CALD1: variants seen among roughly 807,000 people sequenced by gnomAD.
CALD1 encodes the protein caldesmon.
A neutral mutation model predicts 99.9 loss-of-function variants in CALD1; 33 were observed. The observed-to-expected ratio is 0.33, with a 90% CI of 0.25 to 0.44. CALD1 has a LOEUF of 0.44. Among genes scored for constraint, CALD1 ranks in the 20% least tolerant of loss-of-function variants. CALD1 has a pLI of 1.00. For missense variants in CALD1, 861 were observed against 962.1 expected (o/e 0.89, Z 1.39); for synonymous variants, 310 against 325.0 (o/e 0.95, Z 0.50).
intron 3 of CALD1, among the ~76,000 whole-genome samples, chr7:134,897,766 G>A (rs1802688463): frequency 6.6e-6 from 1 of 152,062 alleles, no homozygotes; most frequent in Non-Finnish European, 1.5e-5. Flanking sequence ...GAGTGCAGTG[G>A]CACAACCTTG....
At chr7:134,823,991 G>A (rs1798886404) in intron 1 of CALD1, among the ~76,000 whole-genome samples, 1 of 152,216 alleles carries the variant, frequency 6.6e-6, no homozygotes, top group Middle Eastern at 3.4e-3. Context: ...ACCAGAAGGG[G>A]GATTTGGTCC....
At chr7:134,965,138 A>T (rs1282070578) in intron 13 of CALD1, 168 bp from the exon 14 acceptor site, 3 of 558,942 alleles carry the variant, frequency 5.4e-6, no homozygotes, top group Non-Finnish European at 9.7e-6. Context: ...AAAATAAAAA[A>T]ATCAAACAAC....
At chr7:134,735,006 C>A in the CALD1 span, 1 of 254,544 alleles carries the variant, frequency 3.9e-6, no homozygotes, top group Admixed American at 3.9e-5. Context: ...TGCACTTGGC[C>A]TCAGTGAACT....
chr7:134,742,468 A>C (rs1796600356), upstream of CALD1, among the ~76,000 whole-genome samples: 2 of 152,166 alleles, frequency 1.3e-5, no homozygotes, highest in Non-Finnish European at 2.9e-5. Flanking sequence ...CAGCTGTGGA[A>C]TGTCTTGGAA....
chr7:134,781,421 C>T (rs373710439), intron 1 of CALD1, among the ~76,000 whole-genome samples: 250 of 152,222 alleles, frequency 1.6e-3, no homozygotes, highest in African/African-American at 5.8e-3. Flanking sequence ...CTCCCCACCC[C>T]CAACAACCAT....
intron 1 of CALD1, among the ~76,000 whole-genome samples, chr7:134,757,287 G>C (rs543657998): frequency 6.6e-6 from 1 of 152,168 alleles, no homozygotes; most frequent in Admixed American, 6.5e-5. Flanking sequence ...TGTGAATGAC[G>C]ACCCCTGGAG....
intron 1 of CALD1, chr7:134,821,955 C>G (rs1181216740): frequency 6.6e-6 from 1 of 152,144 alleles, no homozygotes; most frequent in Non-Finnish European, 1.5e-5. Flanking sequence ...CTCTTCATTT[C>G]TATCTATGAT....
At chr7:134,950,919 A>T (rs531509444) in intron 9 of CALD1, among the ~76,000 whole-genome samples, 5 of 152,234 alleles carry the variant, frequency 3.3e-5, no homozygotes, top group Non-Finnish European at 7.3e-5. Flanking sequence ...AGATAATGCC[A>T]CTGCACTCTA....
chr7:134,848,374 G>A (rs967097738), intron 2 of CALD1, among the ~76,000 whole-genome samples: 10 of 152,146 alleles, frequency 6.6e-5, no homozygotes, highest in African/African-American at 2.2e-4. Flanking sequence ...ACGCCAATGT[G>A]GTACAAATGA....
chr7:134,836,483 G>A (rs1325500001), intron 1 of CALD1, among the ~76,000 whole-genome samples: 1 of 152,144 alleles, frequency 6.6e-6, no homozygotes, highest in Non-Finnish European at 1.5e-5. Flanking sequence ...TGATGATTAC[G>A]ATGATGAAGG....
the CALD1 span, among the ~76,000 whole-genome samples, chr7:134,728,657 C>T: frequency 6.6e-6 from 1 of 152,148 alleles, no homozygotes; most frequent in Admixed American, 6.5e-5. Flanking sequence ...TCAAAGGAAG[C>T]ATTAGACCAG....
intron 3 of CALD1, among the ~76,000 whole-genome samples, chr7:134,924,141 G>C (rs140174569): frequency 1.2e-4 from 18 of 152,230 alleles, no homozygotes; most frequent in African/African-American, 4.1e-4. Context: ...AATGGTTTGT[G>C]AAATGATATG....
chr7:134,928,937 C>A, intron 4 of CALD1, 37 bp downstream of exon 4: 1 of 1,542,074 alleles, frequency 6.5e-7, no homozygotes, highest in Non-Finnish European at 8.8e-7. Context: ...TTCTAACTTG[C>A]GTCTTAGCCT....
chr7:134,938,486 G>A (rs1385285361), intron 6 of CALD1, among the ~76,000 whole-genome samples: 1 of 152,042 alleles, frequency 6.6e-6, no homozygotes, highest in Non-Finnish European at 1.5e-5. Flanking sequence ...AATGTTATCT[G>A]TGTATGAAGC....
At chr7:134,896,025 T>C (rs1802545974) in intron 3 of CALD1, among the ~76,000 whole-genome samples, 1 of 152,168 alleles carries the variant, frequency 6.6e-6, no homozygotes, top group Non-Finnish European at 1.5e-5. Flanking sequence ...TACCTGTTTC[T>C]AACCATCCTT....
chr7:134,932,315 A>G (rs550708743), intron 4 of CALD1, among the ~76,000 whole-genome samples: 1 of 152,196 alleles, frequency 6.6e-6, no homozygotes, highest in Non-Finnish European at 1.5e-5. Flanking sequence ...ACTGTAATGT[A>G]CATTTTCTTC....
chr7:134,912,487 C>G (rs946443767), intron 3 of CALD1, among the ~76,000 whole-genome samples: 2 of 152,192 alleles, frequency 1.3e-5, no homozygotes, highest in Admixed American at 1.3e-4. Flanking sequence ...TGCTTGTGAA[C>G]GCAGACCAGT....
intron 1 of CALD1, among the ~76,000 whole-genome samples, chr7:134,807,974 CCT>C (rs1798211523): frequency 6.6e-6 from 1 of 152,090 alleles, no homozygotes; most frequent in Non-Finnish European, 1.5e-5. Context: ...TCCCAGATAA[CCT>C]CAATACCAGG....
At position 134,886,868 on chromosome 7, in the gene CALD1, G is replaced by A. The variant is rs555960237; in HGVS notation, c.71+19064G>A. On this transcript the variant is annotated intron_variant, in intron 3 of 14. Coordinates refer to ENST00000361675, the MANE Select transcript of CALD1 (RefSeq NM_033138.4). ...CTTATAATAGAATTTTTGTATACATGTCTTATCTCCCTTTAGGACTGCCCT... is the reference window on the plus strand; with the variant it reads ...CTTATAATAGAATTTTTGTATACATATCTTATCTCCCTTTAGGACTGCCCT... Among the ~76,000 whole-genome samples, 13 of 152,284 alleles carry A rather than the reference G, an allele frequency of 8.5e-5. No individual in the cohort carries two copies. In the East Asian group the frequency reaches 2.5e-3, roughly 29 times the overall value.
Sources: gnomAD v4.1 joint callset for allele counts (sites outside exome capture counted in the v4.1 genomes callset) on GRCh38, gnomAD v4.1.1 for gene constraint, MANE v1.5 for transcripts, NCBI Gene and HGNC (gene_info 2026-07-23, HGNC 2026-07-21) for gene names.